Variants in SEL1L3 observed in about 807,000 individuals in gnomAD.
SEL1L3 encodes protein sel-1 homolog 3.
In SEL1L3, 76 loss-of-function variants were observed where a neutral mutation model predicts 142.8. That is an observed-to-expected ratio of 0.53 (90% CI 0.44 to 0.64). The LOEUF (loss-of-function observed/expected upper bound fraction) is 0.64. Ranked by LOEUF, SEL1L3 falls within the 30% of genes least tolerant of loss-of-function variation. SEL1L3 has a pLI of 0.00. For synonymous variants in SEL1L3, 504 were observed against 519.6 expected (o/e 0.97, Z 0.41); for missense variants, 1,262 against 1,381.7 (o/e 0.91, Z 1.37).
rs1444839978 is a variant in SEL1L3 at position 25,812,730 on chromosome 4, A to G, written c.1564+5408T>C. Among the ~76,000 whole-genome samples the G allele has an allele frequency of 8.9e-5, 12 of 135,260 alleles. No homozygotes were observed. In the East Asian group the frequency reaches 2.0e-3, roughly 22 times the overall value. 88.7% of individuals were successfully genotyped at this position (135,260 alleles called of 152,430 possible). ...TCTGTCTCAGAAAAAAAAAAAAAAA[A>G]GGGTAGGTGCAGTGGCTCATGCCTA... is the stretch of plus-strand genomic sequence containing the variant. On this transcript the variant is annotated intron_variant, in intron 9 of 23. Coordinates refer to ENST00000399878, the MANE Select transcript of SEL1L3 (RefSeq NM_015187.5).
At position 25,790,570 on chromosome 4, in the gene SEL1L3, T is replaced by C. The variant is rs1308495765; in HGVS notation, c.1961A>G (p.Tyr654Cys). ...DQHTLQGDQA[Y>C]VETIRLKDDE... is the part of the protein sequence containing the mutation. ...ATCTTTTAGTCTAATTGTTTCAACA[T>C]ATGCCTGAGAAGGAAGGAGGGAAAG... The change falls in exon 12 of 24, where the codon TAT (tyrosine) becomes TGT (cysteine). Residue 654 changes from tyrosine (Y) to cysteine (C), a missense_variant. By Grantham distance (194) the Tyr-to-Cys change is radical. This residue lies in a region of SEL1L3 where 435 missense variants were observed against 559.2 expected (regional missense o/e 0.78). Transcript: ENST00000399878. 6.9e-6 allele frequency: 11 copies of C among 1,602,240 alleles called. 1 individual carries two copies. The highest frequency in any genetic ancestry group is 9.4e-6 in the Non-Finnish European group (11 of 1,172,628).
chr4:25,765,171 T>C (rs1186367804), intron 20 of SEL1L3, among the ~76,000 whole-genome samples, 155 bp downstream of exon 20: 2 of 152,116 alleles, frequency 1.3e-5, no homozygotes, highest in African/African-American at 4.8e-5. Context: ...ATTTTTGTAT[T>C]TTTGTAGAGA....
intron 19 of SEL1L3, 89 bp from the exon 20 acceptor site, chr4:25,765,524 T>C: frequency 1.3e-6 from 1 of 796,378 alleles, no homozygotes; most frequent in Admixed American, 2.0e-5. Flanking sequence ...TGAATGCAAG[T>C]TTTTCCTATT....
Position 25,862,766 on chromosome 4 carries a change from C to G in SEL1L3, c.71G>C (p.Gly24Ala). ...QQQQPPPLAV[G>A]PRAAAMVPSG... ...CGGGACCATGGCTGCGGCCCGGGGG[C>G]CGACCGCGAGCGGCGGGGGTTGCTG... The change falls in exon 1 of 24, where the codon GGC becomes GCC. Residue 24 changes from glycine to alanine, a missense_variant. Gly to Ala is a moderately conservative substitution (Grantham distance 60, BLOSUM62 0). Coordinates refer to ENST00000399878, the MANE Select transcript of SEL1L3 (RefSeq NM_015187.5). 2.5e-6 allele frequency: 3 copies of G among 1,203,910 alleles called. No individual in the cohort carries two copies. The highest frequency in any genetic ancestry group is 2.1e-6 in the Non-Finnish European group (2 of 971,306). 74.6% of individuals were successfully genotyped at this position (1,203,910 alleles called of 1,614,324 possible). A position where few individuals can be genotyped will look rare whatever the true frequency, so the allele number is the denominator to read the frequency against.
downstream of SEL1L3, among the ~76,000 whole-genome samples, chr4:25,746,146 G>A (rs1282224481): frequency 6.6e-6 from 1 of 152,082 alleles, no homozygotes; most frequent in African/African-American, 2.4e-5. Flanking sequence ...TGTTGATGCT[G>A]TCCTCATGAT....
At chr4:25,820,085 G>A (rs1714653230) in intron 7 of SEL1L3, 145 bp from the exon 8 acceptor site, 2 of 691,370 alleles carry the variant, frequency 2.9e-6, no homozygotes, top group Non-Finnish European at 4.8e-6. Flanking sequence ...CTCTGGATTT[G>A]CAAAGCAAGG....
the SEL1L3 span, among the ~76,000 whole-genome samples, chr4:25,738,130 C>T: frequency 0.016 from 2,388 of 152,278 alleles, 34 homozygotes; most frequent in Non-Finnish European, 0.024. Context: ...CTCAAGTGAT[C>T]CCTCCGCCTG....
At chr4:25,737,478 T>A in the SEL1L3 span, among the ~76,000 whole-genome samples, 1 of 152,186 alleles carries the variant, frequency 6.6e-6, no homozygotes, top group Non-Finnish European at 1.5e-5. Flanking sequence ...CTCCAGCCTC[T>A]CTTTTTATAG....
At chr4:25,806,855 G>A (rs1249687988) in intron 9 of SEL1L3, among the ~76,000 whole-genome samples, 19 of 146,362 alleles carry the variant, frequency 1.3e-4, no homozygotes, top group South Asian at 8.5e-4. Context: ...ACAGCTTGTC[G>A]TAAAAAAAAA....
intron 23 of SEL1L3, among the ~76,000 whole-genome samples, chr4:25,749,800 T>C (rs1009907921): frequency 2.0e-5 from 3 of 152,208 alleles, no homozygotes; most frequent in African/African-American, 4.8e-5. Context: ...AACGTAGTCA[T>C]TGCTTGTTTT....
intron 17 of SEL1L3, among the ~76,000 whole-genome samples, chr4:25,768,359 C>T (rs1718904792): frequency 6.6e-6 from 1 of 152,134 alleles, no homozygotes; most frequent in Admixed American, 6.6e-5. Context: ...CGTTTGACAC[C>T]ACTAGCAATC....
intron 23 of SEL1L3, among the ~76,000 whole-genome samples, chr4:25,753,251 T>C (rs1199398776): frequency 6.6e-6 from 1 of 152,226 alleles, no homozygotes; most frequent in Non-Finnish European, 1.5e-5. Context: ...GAACGCAAAA[T>C]GGATGGACAG....
intron 16 of SEL1L3, among the ~76,000 whole-genome samples, chr4:25,778,621 G>A (rs1386895820): frequency 6.6e-6 from 1 of 152,112 alleles, no homozygotes; most frequent in Non-Finnish European, 1.5e-5. Flanking sequence ...AAAGATGGCA[G>A]GAAGTATGAG....
intron 6 of SEL1L3, among the ~76,000 whole-genome samples, chr4:25,825,678 T>C (rs1024486387): frequency 6.4e-5 from 9 of 141,350 alleles, no homozygotes; most frequent in Non-Finnish European, 7.7e-5. Flanking sequence ...TTTTTTTTTT[T>C]TTTTTTTTTT....
At chr4:25,817,971 T>A (rs1714501330) in intron 9 of SEL1L3, among the ~76,000 whole-genome samples, 167 bp downstream of exon 9, 1 of 152,190 alleles carries the variant, frequency 6.6e-6, no homozygotes, top group Non-Finnish European at 1.5e-5. Context: ...CACAGATATA[T>A]CGAGAGTTGT....
At chr4:25,816,756 A>C (rs1714417825) in intron 9 of SEL1L3, among the ~76,000 whole-genome samples, 1 of 152,146 alleles carries the variant, frequency 6.6e-6, no homozygotes, top group South Asian at 2.1e-4. Context: ...ATCACTTTGC[A>C]GGGCTTCTCC....
chr4:25,734,181 G>A, the SEL1L3 span, among the ~76,000 whole-genome samples: 55 of 151,952 alleles, frequency 3.6e-4, no homozygotes, highest in African/African-American at 1.0e-3. Flanking sequence ...ATGCCACCAC[G>A]CCCAGCTAAT....
chr4:25,779,120 T>C lies in SEL1L3; in HGVS notation c.2541A>G (p.Thr847=). The C allele has an allele frequency of 6.2e-7, 1 of 1,613,636 alleles. No homozygotes were observed. ...CTCTAGGGAATGTCTCCAGGTTGCCTGTGATATAGTAGAGAGAACACCACA... is the reference window on the plus strand; with the variant it reads ...CTCTAGGGAATGTCTCCAGGTTGCCCGTGATATAGTAGAGAGAACACCACA... The part of the protein sequence containing the change: ...GTLWCSLYYI[T]GNLETFPRDP... Residue 847 remains threonine, a synonymous_variant, in exon 16 of 24, where the codon ACA becomes ACG. Coordinates refer to ENST00000399878, the MANE Select transcript of SEL1L3 (RefSeq NM_015187.5).
intron 11 of SEL1L3, among the ~76,000 whole-genome samples, chr4:25,793,554 G>A (rs996460348): frequency 6.9e-6 from 1 of 144,436 alleles, no homozygotes; most frequent in Admixed American, 7.4e-5. Context: ...TCCTAACCTG[G>A]CCTGCCCCAC....
Sources: allele counts gnomAD v4.1 joint callset (sites outside exome capture counted in the v4.1 genomes callset), GRCh38; gene constraint gnomAD v4.1.1; regional missense constraint gnomAD v4.1.1; transcripts MANE v1.5; gene names NCBI Gene and HGNC (gene_info 2026-07-23, HGNC 2026-07-21).